Variants in CDKAL1 observed in about 807,000 individuals in gnomAD.
CDKAL1 encodes threonylcarbamoyladenosine tRNA methylthiotransferase.
CDKAL1 carries 32 observed loss-of-function variants against 68.2 expected under a neutral mutation model. The ratio of observed to expected loss-of-function variants is 0.47; its 90% CI spans 0.35 to 0.63. CDKAL1 has a LOEUF of 0.63. CDKAL1 is among the 30% of genes least tolerant of loss of function. CDKAL1 has a pLI of 0.00. For missense variants in CDKAL1, 606 were observed against 696.7 expected, an observed-to-expected ratio of 0.87 and a Z score of 1.47; for synonymous variants, 234 against 244.3, an observed-to-expected ratio of 0.96 and a Z score of 0.39.
intron 5 of CDKAL1, among the ~76,000 whole-genome samples, chr6:20,727,432 A>G (rs973424038): frequency 1.7e-4 from 26 of 152,200 alleles, no homozygotes; most frequent in African/African-American, 6.3e-4. Context: ...CCATCTTAAC[A>G]AAGGGAATGA....
chr6:21,002,646 G>C (rs562578632), intron 11 of CDKAL1, among the ~76,000 whole-genome samples: 8 of 113,290 alleles, frequency 7.1e-5, no homozygotes, highest in Non-Finnish European at 1.2e-4. Flanking sequence ...AAAACTTCAG[G>C]TAACCTATTT....
intron 13 of CDKAL1, among the ~76,000 whole-genome samples, chr6:21,195,548 T>TC (rs1778437973): frequency 6.6e-6 from 1 of 151,234 alleles, no homozygotes; most frequent in Admixed American, 6.6e-5. Flanking sequence ...TCTTATTCAG[T>TC]CACCAATGCT....
chr6:20,849,699 T>A (rs1371728197), intron 9 of CDKAL1, among the ~76,000 whole-genome samples: 2 of 152,090 alleles, frequency 1.3e-5, no homozygotes, highest in Non-Finnish European at 2.9e-5. Context: ...GCAAAAACAT[T>A]AATGACTAAA....
At chr6:20,651,202 C>A (rs1046143197) in intron 5 of CDKAL1, among the ~76,000 whole-genome samples, 3 of 151,956 alleles carry the variant, frequency 2.0e-5, no homozygotes, top group Non-Finnish European at 4.4e-5. Flanking sequence ...AATGTTTTAC[C>A]ATTTGTTTGT....
chr6:20,818,306 A>G (rs9465903), intron 8 of CDKAL1, among the ~76,000 whole-genome samples: 10,080 of 152,198 alleles, frequency 0.066, 381 homozygotes, highest in Middle Eastern at 0.082. Context: ...CGTGGCTCAC[A>G]TTTTTGCTTT....
Position 20,539,266 on chromosome 6 carries a change from T to G in CDKAL1, c.-6+3872T>G, listed in dbSNP as rs1043235565. 3.3e-5 allele frequency among the ~76,000 whole-genome samples: 5 copies of G among 152,224 alleles called. No individual in the cohort carries two copies. Among genetic ancestry groups the G allele is most frequent in the Admixed American group, 6.5e-5 (1 of 15,288 alleles). ...TATCTATATCCATATATTGCCCGACTGTGTAGTCTGCAGTAAAAGTATTTA... is the reference window on the plus strand; with the variant it reads ...TATCTATATCCATATATTGCCCGACGGTGTAGTCTGCAGTAAAAGTATTTA... On this transcript the variant is annotated intron_variant, in intron 2 of 15. Coordinates refer to ENST00000274695, the MANE Select transcript of CDKAL1 (RefSeq NM_017774.3). The surrounding 1 kb of genome is among the most constrained non-coding windows in gnomAD (Gnocchi z 4.3).
chr6:20,742,436 A>G (rs1773499320), intron 6 of CDKAL1, among the ~76,000 whole-genome samples: 1 of 147,042 alleles, frequency 6.8e-6, no homozygotes. Context: ...GCCATAATGC[A>G]TTTAAAATTT....
chr6:20,735,290 T>A (rs539702351), intron 5 of CDKAL1, among the ~76,000 whole-genome samples: 43 of 149,878 alleles, frequency 2.9e-4, no homozygotes, highest in African/African-American at 9.3e-4. Context: ...TACCTGAGAC[T>A]GGGTAATTTA....
chr6:20,643,538 C>T (rs911273026), intron 4 of CDKAL1, among the ~76,000 whole-genome samples: 1 of 152,084 alleles, frequency 6.6e-6, no homozygotes, highest in African/African-American at 2.4e-5. Context: ...CTTAGAAGCC[C>T]AACAATGTGT....
At chr6:20,891,431 G>C (rs1256898221) in intron 9 of CDKAL1, among the ~76,000 whole-genome samples, 3 of 152,090 alleles carry the variant, frequency 2.0e-5, no homozygotes, top group African/African-American at 7.2e-5. Flanking sequence ...ATCATGGGAG[G>C]TGAAAGTACC....
intron 6 of CDKAL1, among the ~76,000 whole-genome samples, chr6:20,745,093 A>T (rs1773607976): frequency 6.6e-6 from 1 of 152,252 alleles, no homozygotes; most frequent in Admixed American, 6.5e-5. Context: ...GCTGAACAGA[A>T]ATGTGGTTTA....
intron 8 of CDKAL1, among the ~76,000 whole-genome samples, chr6:20,805,970 A>T (rs1776555463): frequency 6.6e-6 from 1 of 152,302 alleles, no homozygotes; most frequent in Middle Eastern, 3.4e-3. Flanking sequence ...TATGATTTCA[A>T]ATGTTTTTTG....
At chr6:20,758,097 A>G (rs548119835) in intron 6 of CDKAL1, among the ~76,000 whole-genome samples, 2 of 149,502 alleles carry the variant, frequency 1.3e-5, no homozygotes, top group Admixed American at 1.3e-4. Context: ...TTGACTTTGT[A>G]TTTCATGGAC....
chr6:20,843,367 A>C (rs1424117801), intron 8 of CDKAL1, among the ~76,000 whole-genome samples: 1 of 151,988 alleles, frequency 6.6e-6, no homozygotes, highest in East Asian at 1.9e-4. Context: ...GTTACTTTTC[A>C]TAAACAGCCC....
chr6:21,062,547 G>A (rs114270199), intron 11 of CDKAL1, among the ~76,000 whole-genome samples: 2,350 of 152,196 alleles, frequency 0.015, 64 homozygotes, highest in African/African-American at 0.054. Context: ...TTCTTCAAAT[G>A]TACTGTTTTA....
chr6:20,558,459 C>T (rs770643941), intron 4 of CDKAL1: 9 of 447,514 alleles, frequency 2.0e-5, no homozygotes, highest in Admixed American at 7.2e-5. Context: ...CATGGCAGTG[C>T]GGTCTGTATG....
intron 9 of CDKAL1, among the ~76,000 whole-genome samples, chr6:20,848,502 T>TCCAGG (rs1758811936): frequency 1.3e-5 from 2 of 152,186 alleles, no homozygotes; most frequent in Non-Finnish European, 2.9e-5. Flanking sequence ...TAAGTTAACA[T>TCCAGG]TGTCATATCC....
rs1013310808 is a variant in CDKAL1, at chr6:21,065,127, A to G, written c.1135A>G (p.Lys379Glu). The change falls in exon 12 of 16, where the codon AAA becomes GAA. Residue 379 changes from lysine (K) to glutamate (E), a missense_variant. By Grantham distance (56) the Lys-to-Glu change is moderately conservative. Transcript: ENST00000274695. Reference protein sequence around the residue: ...ETDQDFQETVKLVEEYKFPSL... With the variant: ...ETDQDFQETVELVEEYKFPSL... Reference sequence around the variant, plus strand: ...AGATCAGGATTTTCAAGAAACAGTGAAACTTGTTGAAGAGTACAAATTCCC... The same window carrying G: ...AGATCAGGATTTTCAAGAAACAGTGGAACTTGTTGAAGAGTACAAATTCCC... The G allele has an allele frequency of 2.5e-6, 4 of 1,607,744 alleles. No homozygotes were observed. Among genetic ancestry groups the G allele is most frequent in the Non-Finnish European group, 1.7e-6 (2 of 1,177,110 alleles).
intron 9 of CDKAL1, among the ~76,000 whole-genome samples, chr6:20,869,013 G>A (rs556756844): frequency 1.3e-5 from 2 of 152,342 alleles, no homozygotes; most frequent in East Asian, 3.9e-4. Context: ...CGGATGTGCA[G>A]CGAGGAATAC....
Sources: gnomAD v4.1 joint callset for allele counts (sites outside exome capture counted in the v4.1 genomes callset) on GRCh38, gnomAD v4.1.1 for gene constraint, Gnocchi (gnomAD v3.1) non-coding constraint, MANE v1.5 for transcripts, NCBI Gene and HGNC (gene_info 2026-07-23, HGNC 2026-07-21) for gene names.